The following IMMP2L variants were observed in gnomAD, a reference collection of about 807,000 sequenced individuals.
IMMP2L encodes the protein inner mitochondrial membrane peptidase subunit 2, also known as mitochondrial inner membrane protease subunit 2.
In IMMP2L, 18 loss-of-function variants were observed where a neutral mutation model predicts 19.3. The observed-to-expected ratio is 0.93, with a 90% CI of 0.64 to 1.38. The LOEUF is 1.38. IMMP2L is among the 40% of genes most tolerant of loss of function. The pLI is 0.00. For synonymous variants in IMMP2L, 76 were observed against 73.0 expected, an observed-to-expected ratio of 1.04 and a Z score of -0.21; for missense variants, 233 against 218.2, an observed-to-expected ratio of 1.07 and a Z score of -0.43.
At chr7:111,426,555 A>G (rs970583133) in intron 3 of IMMP2L, among the ~76,000 whole-genome samples, 1 of 151,172 alleles carries the variant, frequency 6.6e-6, no homozygotes, top group Non-Finnish European at 1.5e-5. Flanking sequence ...TTCACACAGC[A>G]ACTCTGCCCC....
chr7:111,235,186 T>G (rs546427351), intron 3 of IMMP2L, among the ~76,000 whole-genome samples: 2 of 152,232 alleles, frequency 1.3e-5, no homozygotes, highest in Non-Finnish European at 2.9e-5. Flanking sequence ...AATTCCACAT[T>G]GATGGCCTTG....
chr7:110,820,451 T>C lies in IMMP2L; in HGVS notation c.408+66142A>G, dbSNP rs548350323. Among the ~76,000 whole-genome samples, 7 of 152,168 alleles carry C rather than the reference T, an allele frequency of 4.6e-5. No individual in the cohort carries two copies. The East Asian group carries it at 1.4e-3, about 30-fold the overall frequency. On this transcript the variant is annotated intron_variant, in intron 5 of 5. Coordinates refer to ENST00000405709, the MANE Select transcript of IMMP2L (RefSeq NM_032549.4). ...TAAGCTATATCAATAAAGTAGCTTA[T>C]GGAATATCGGTGTTTTGTTTCCCAT... is the stretch of plus-strand genomic sequence containing the variant.
intron 3 of IMMP2L, among the ~76,000 whole-genome samples, chr7:111,080,928 C>T (rs1043064750): frequency 1.3e-5 from 2 of 152,148 alleles, no homozygotes; most frequent in African/African-American, 2.4e-5. Flanking sequence ...ATCTAAACTG[C>T]TAAATATATA....
chr7:111,532,514 T>C (rs914895907), intron 1 of IMMP2L: 7 of 152,146 alleles, frequency 4.6e-5, no homozygotes, highest in African/African-American at 1.7e-4. Flanking sequence ...CAAGTCATAC[T>C]TACAACATGG....
At chr7:110,909,623 T>A (rs1054314720) in intron 4 of IMMP2L, among the ~76,000 whole-genome samples, 2 of 152,142 alleles carry the variant, frequency 1.3e-5, no homozygotes, top group Admixed American at 1.3e-4. Flanking sequence ...TTTGTGAACT[T>A]ACTTCCCTCT....
At chr7:110,817,547 T>A (rs1411516221) in intron 5 of IMMP2L, among the ~76,000 whole-genome samples, 1 of 152,154 alleles carries the variant, frequency 6.6e-6, no homozygotes, top group East Asian at 1.9e-4. Flanking sequence ...CCAAGGTAAT[T>A]TATAGATTCC....
At chr7:111,426,553 G>T (rs1344954517) in intron 3 of IMMP2L, among the ~76,000 whole-genome samples, 3 of 151,028 alleles carry the variant, frequency 2.0e-5, no homozygotes, top group African/African-American at 7.3e-5. Flanking sequence ...CTTTCACACA[G>T]CAACTCTGCC....
chr7:111,393,822 A>G (rs1038781437), intron 3 of IMMP2L, among the ~76,000 whole-genome samples: 27 of 152,088 alleles, frequency 1.8e-4, no homozygotes, highest in Admixed American at 1.7e-3. Context: ...GACCCCTCCA[A>G]ATCCTTCTTT....
At chr7:111,004,683 C>T (rs1160461988) in intron 3 of IMMP2L, among the ~76,000 whole-genome samples, 1 of 152,114 alleles carries the variant, frequency 6.6e-6, no homozygotes, top group Admixed American at 6.6e-5. Flanking sequence ...AGTCACCCAA[C>T]CCCCTTCAAG....
chr7:111,478,259 ATAAAC>A (rs1841888072), intron 3 of IMMP2L, among the ~76,000 whole-genome samples: 1 of 152,162 alleles, frequency 6.6e-6, no homozygotes, highest in Non-Finnish European at 1.5e-5. Context: ...TAATTTTCTA[ATAAAC>A]TAATCTATTG....
At chr7:110,952,308 G>A (rs1242946206) in intron 4 of IMMP2L, among the ~76,000 whole-genome samples, 5 of 152,094 alleles carry the variant, frequency 3.3e-5, no homozygotes, top group Admixed American at 1.3e-4. Flanking sequence ...TAGAGTTTGC[G>A]ATTTTTTGAA....
At chr7:110,826,581 G>A (rs533944520) in intron 5 of IMMP2L, among the ~76,000 whole-genome samples, 1 of 152,108 alleles carries the variant, frequency 6.6e-6, no homozygotes, top group South Asian at 2.1e-4. Flanking sequence ...GCAAACTATC[G>A]CAAGGACAGA....
At chr7:111,028,606 A>C (rs1415620393) in intron 3 of IMMP2L, among the ~76,000 whole-genome samples, 2 of 152,156 alleles carry the variant, frequency 1.3e-5, no homozygotes, top group Non-Finnish European at 2.9e-5. Context: ...CACCATCAAA[A>C]GGAGATTCTC....
intron 3 of IMMP2L, among the ~76,000 whole-genome samples, chr7:111,323,957 C>T (rs949064785): frequency 9.9e-5 from 15 of 151,944 alleles, no homozygotes; most frequent in African/African-American, 3.4e-4. Flanking sequence ...CACAGGGACA[C>T]AGGAAGGGGA....
At chr7:111,087,134 T>C (rs1339048281) in intron 3 of IMMP2L, among the ~76,000 whole-genome samples, 1 of 152,190 alleles carries the variant, frequency 6.6e-6, no homozygotes, top group Non-Finnish European at 1.5e-5. Context: ...CCAATGTTTC[T>C]ACACTGCCAA....
intron 3 of IMMP2L, chr7:111,411,523 A>G: frequency 2.3e-6 from 1 of 426,548 alleles, no homozygotes; most frequent in Non-Finnish European, 4.7e-6. Context: ...GCTTCATTAG[A>G]ATAAAGTCCA....
At chr7:110,813,760 T>TTG (rs397757906) in intron 5 of IMMP2L, among the ~76,000 whole-genome samples, 1 of 151,254 alleles carries the variant, frequency 6.6e-6, no homozygotes, top group Admixed American at 6.6e-5. Flanking sequence ...TTTTTTTTTT[T>TTG]ACTTTCTATA....
intron 3 of IMMP2L, among the ~76,000 whole-genome samples, chr7:111,354,297 A>G (rs1044484852): frequency 6.6e-6 from 1 of 152,050 alleles, no homozygotes; most frequent in Non-Finnish European, 1.5e-5. Context: ...TACCACATTA[A>G]CAGATAAATA....
intron 5 of IMMP2L, among the ~76,000 whole-genome samples, chr7:110,854,772 T>A (rs1052396449): frequency 6.6e-6 from 1 of 151,980 alleles, no homozygotes; most frequent in African/African-American, 2.4e-5. Flanking sequence ...AATAGTTTGC[T>A]TGAGTCTCTA....
Sources: allele counts gnomAD v4.1 joint callset (sites outside exome capture counted in the v4.1 genomes callset), GRCh38; gene constraint gnomAD v4.1.1; transcripts MANE v1.5; gene names NCBI Gene and HGNC (gene_info 2026-07-23, HGNC 2026-07-21).